PSMD9: variants seen among roughly 807,000 people sequenced by gnomAD.
The protein encoded by PSMD9 is 26S proteasome non-ATPase regulatory subunit 9.
PSMD9 carries 26 observed loss-of-function variants against 25.9 expected under a neutral mutation model. The observed-to-expected ratio is 1.00, with a 90% confidence interval of 0.73 to 1.39. PSMD9 has a LOEUF of 1.39. Among genes scored for constraint, PSMD9 ranks in the 40% most tolerant of loss-of-function variants. The pLI is 0.00. For missense variants in PSMD9, 303 were observed against 299.3 expected (o/e 1.01, Z -0.09); for synonymous variants, 110 against 114.5 (o/e 0.96, Z 0.25).
chr12:121,904,671 T>TATTATTATTATTATC (rs1323565568), intron 4 of PSMD9, among the ~76,000 whole-genome samples: 2 of 135,166 alleles, frequency 1.5e-5, no homozygotes, highest in South Asian at 2.5e-4. Flanking sequence ...TTATTATTAT[T>TATTATTATTATTATC]ATTTGAGATG....
chr12:121,912,587 T>C (rs1205442650), intron 4 of PSMD9, among the ~76,000 whole-genome samples: 2 of 152,062 alleles, frequency 1.3e-5, no homozygotes, highest in Non-Finnish European at 2.9e-5. Context: ...CTATTTAGGC[T>C]GGGCGCTGTG....
rs1879890480 is a variant in PSMD9 at position 121,916,011 on chromosome 12, G to C, written c.644+67G>C. On this transcript the variant is annotated intron_variant, in intron 5 of 5. Coordinates refer to ENST00000541212, the MANE Select transcript of PSMD9 (RefSeq NM_002813.7). ...TGAGTGTTTGTTAAACATGAAGCTG[G>C]AGGGGAAGGCTGGGGAGACATTGGG... 7 of 1,509,180 alleles carry C rather than the reference G, an allele frequency of 4.6e-6. No homozygotes were observed. The South Asian group carries it at 8.0e-5, about 17-fold the overall frequency. 93.5% of individuals were successfully genotyped at this position (1,509,180 alleles called of 1,614,324 possible). A position where few individuals can be genotyped will look rare whatever the true frequency, so the allele number is the denominator to read the frequency against.
chr12:121,899,987 G>A, intron 3 of PSMD9, 142 bp downstream of exon 3: 1 of 983,940 alleles, frequency 1.0e-6, no homozygotes, highest in South Asian at 1.6e-5. Flanking sequence ...ACTGACTGAG[G>A]CCTGTCGTGT....
At chr12:121,895,895 T>C (rs1176573486) in intron 2 of PSMD9, among the ~76,000 whole-genome samples, 2 of 152,210 alleles carry the variant, frequency 1.3e-5, no homozygotes, top group East Asian at 1.9e-4. Flanking sequence ...CAGCCATAGG[T>C]AGGCAACCGT....
chr12:121,901,542 A>C (rs1435078011), intron 3 of PSMD9, among the ~76,000 whole-genome samples: 2 of 150,772 alleles, frequency 1.3e-5, no homozygotes, highest in Non-Finnish European at 2.9e-5. Flanking sequence ...TTTTTTAGAG[A>C]TGGGTTCTCA....
rs935692855 is a variant in PSMD9, at chr12:121,916,766, C to T, written c.*455C>T. The T allele has an allele frequency of 1.2e-5, 2 of 167,694 alleles. No homozygotes were observed. Among genetic ancestry groups the T allele is most frequent in the African/African-American group, 4.8e-5 (2 of 41,816 alleles). The allele number at this position is 167,694 out of a possible 1,614,324, so 10.4% of individuals were successfully genotyped here. On this transcript the variant is annotated 3_prime_UTR_variant, in exon 6 of 6. Coordinates refer to ENST00000541212, the MANE Select transcript of PSMD9 (RefSeq NM_002813.7). ...AGCAATTGCAAAGTCAGGCTTTGAC[C>T]AACATATTTCTTTGCACTGAGGCCT...
intron 2 of PSMD9, chr12:121,897,643 G>A (rs1018029242): frequency 4.7e-5 from 7 of 149,458 alleles, no homozygotes; most frequent in African/African-American, 1.0e-4. Context: ...CAGGTGATCC[G>A]CCCGCCTCGG....
At chr12:121,902,964 T>C in intron 3 of PSMD9, 42 bp from the exon 4 acceptor site, 1 of 1,528,194 alleles carries the variant, frequency 6.5e-7, no homozygotes, top group Non-Finnish European at 9.1e-7. Context: ...AGGAGCACAC[T>C]GAACCTCTAG....
intron 1 of PSMD9, among the ~76,000 whole-genome samples, chr12:121,889,964 C>A (rs1879015273): frequency 6.6e-6 from 1 of 152,074 alleles, no homozygotes; most frequent in South Asian, 2.1e-4. Flanking sequence ...GTCACCCAGG[C>A]TGGAGTGCAG....
rs1284986035 is a variant in PSMD9, at chr12:121,915,698, G to A, written c.556-158G>A. On this transcript the variant is annotated intron_variant, in intron 4 of 5. Transcript: ENST00000541212. ...TCAGCACCCTGGCTGCCCTGAGAGT[G>A]CAGTGCCACGTTCCCCACCCTCTCG... 9 of 643,698 alleles carry A rather than the reference G, an allele frequency of 1.4e-5. No individual in the cohort carries two copies. The Admixed American group carries it at 2.6e-4, about 19-fold the overall frequency. 39.9% of individuals were successfully genotyped at this position (643,698 alleles called of 1,614,324 possible). A position where few individuals can be genotyped will look rare whatever the true frequency, so the allele number is the denominator to read the frequency against.
At chr12:121,894,693 GA>G (rs1879179522) in intron 1 of PSMD9, 45 bp from the exon 2 acceptor site, 2 of 1,520,490 alleles carry the variant, frequency 1.3e-6, no homozygotes, top group African/African-American at 1.4e-5. Context: ...ACATCCTGGG[GA>G]CATTACACCC....
chr12:121,899,565 T>C, intron 2 of PSMD9, 69 bp from the exon 3 acceptor site: 1 of 1,401,442 alleles, frequency 7.1e-7, no homozygotes, highest in Non-Finnish European at 9.7e-7. Flanking sequence ...AACTCTTCAG[T>C]GAATAAATGT....
chr12:121,910,994 GGAC>G (rs761060751), intron 4 of PSMD9: 1 of 456,236 alleles, frequency 2.2e-6, no homozygotes, highest in South Asian at 1.5e-5. Context: ...ACTACTCCAG[GGAC>G]CTCATCTAGG....
At chr12:121,889,051 T>G (rs1592937381) in intron 1 of PSMD9, 57 bp downstream of exon 1, 1 of 1,533,708 alleles carries the variant, frequency 6.5e-7, no homozygotes, top group Non-Finnish European at 8.8e-7. Context: ...GTCCCTGGGG[T>G]ACTGGGATGC....
intron 4 of PSMD9, among the ~76,000 whole-genome samples, chr12:121,903,476 G>A (rs1047252681): frequency 6.6e-6 from 1 of 152,136 alleles, no homozygotes; most frequent in East Asian, 1.9e-4. Context: ...AGACATTCAG[G>A]TCATAGCACT....
chr12:121,900,855 T>C (rs181661311), intron 3 of PSMD9, among the ~76,000 whole-genome samples: 25 of 151,832 alleles, frequency 1.6e-4, no homozygotes, highest in African/African-American at 5.8e-4. Flanking sequence ...TGTGGTGACA[T>C]GTGCCTGTAA....
intron 2 of PSMD9, 62 bp from the exon 3 acceptor site, chr12:121,899,572 A>G: frequency 7.0e-7 from 1 of 1,438,772 alleles, no homozygotes; most frequent in Non-Finnish European, 9.5e-7. Flanking sequence ...CAGTGAATAA[A>G]TGTAGGAGTC....
chr12:121,910,853 C>A, intron 4 of PSMD9: 1 of 428,826 alleles, frequency 2.3e-6, no homozygotes, highest in Non-Finnish European at 4.7e-6. Context: ...TCACCCCTAC[C>A]CATCTCCCAT....
intron 4 of PSMD9, among the ~76,000 whole-genome samples, chr12:121,904,020 T>C (rs945096842): frequency 6.6e-6 from 1 of 152,024 alleles, no homozygotes; most frequent in Non-Finnish European, 1.5e-5. Context: ...CAGTTGTGGA[T>C]TTTTTGACTC....
Sources: allele counts gnomAD v4.1 joint callset (sites outside exome capture counted in the v4.1 genomes callset), GRCh38; gene constraint gnomAD v4.1.1; transcripts MANE v1.5; gene names NCBI Gene and HGNC (gene_info 2026-07-23, HGNC 2026-07-21).